Variants in SLC26A7 observed in about 807,000 individuals in gnomAD.
SLC26A7 encodes the protein anion exchange transporter.
Under a neutral mutation model 82.5 loss-of-function variants are expected in SLC26A7, and 59 were observed. The ratio of observed to expected loss-of-function variants is 0.72; its 90% CI spans 0.58 to 0.89. The LOEUF is 0.89. SLC26A7 is among the 40% of genes least tolerant of loss of function. SLC26A7 has a pLI of 0.00. For missense variants in SLC26A7, 820 were observed against 793.0 expected (o/e 1.03, Z -0.41); for synonymous variants, 271 against 274.3 (o/e 0.99, Z 0.12).
intron 15 of SLC26A7, among the ~76,000 whole-genome samples, chr8:91,371,355 A>T (rs1814355572): frequency 6.6e-6 from 1 of 151,808 alleles, no homozygotes; most frequent in Non-Finnish European, 1.5e-5. Flanking sequence ...TGAAAATAGT[A>T]CCCAATAAGT....
intron 4 of SLC26A7, among the ~76,000 whole-genome samples, chr8:91,296,469 G>A (rs1586376629): frequency 6.6e-6 from 1 of 152,082 alleles, no homozygotes; most frequent in East Asian, 1.9e-4. Context: ...ATTTTACACC[G>A]TAACATTATT....
intron 2 of SLC26A7, among the ~76,000 whole-genome samples, chr8:91,234,822 T>TA (rs1563637475): frequency 7.6e-6 from 1 of 131,588 alleles, no homozygotes. Context: ...CCTACCTACC[T>TA]ACCTACTTCC....
At chr8:91,333,133 A>G (rs1308277642) in intron 5 of SLC26A7, among the ~76,000 whole-genome samples, 1 of 152,166 alleles carries the variant, frequency 6.6e-6, no homozygotes, top group Non-Finnish European at 1.5e-5. Context: ...AGATGCTTAC[A>G]TAACTATCAA....
intron 15 of SLC26A7, 28 bp downstream of exon 15, chr8:91,369,861 T>A: frequency 6.4e-7 from 1 of 1,565,894 alleles, no homozygotes; most frequent in Non-Finnish European, 8.8e-7. Flanking sequence ...AAAAAGAAAA[T>A]CTAAGTGTTT....
At chr8:91,301,568 A>C (rs1203108045) in intron 4 of SLC26A7, among the ~76,000 whole-genome samples, 1 of 151,918 alleles carries the variant, frequency 6.6e-6, no homozygotes, top group East Asian at 1.9e-4. Context: ...TTACCCTTTG[A>C]TATTTTCTAT....
intron 2 of SLC26A7, among the ~76,000 whole-genome samples, chr8:91,254,468 A>G (rs1053475617): frequency 3.3e-5 from 5 of 152,266 alleles, no homozygotes; most frequent in African/African-American, 9.6e-5. Context: ...ACATAATATT[A>G]GCTTCTTCAC....
At chr8:91,307,813 AAAT>A (rs963461563) in intron 4 of SLC26A7, among the ~76,000 whole-genome samples, 21 of 33,124 alleles carry the variant, frequency 6.3e-4, no homozygotes, top group Non-Finnish European at 1.1e-3. Context: ...AAAAATAAAT[AAAT>A]AAAAAAAATA....
intron 2 of SLC26A7, among the ~76,000 whole-genome samples, chr8:91,225,643 G>GTTT (rs55732709): frequency 0.011 from 409 of 36,146 alleles, 42 homozygotes; most frequent in African/African-American, 0.014. Flanking sequence ...CTAGAAAAGT[G>GTTT]TTTTTTTTTT....
chr8:91,309,930 G>A (rs1346852748), intron 4 of SLC26A7, among the ~76,000 whole-genome samples: 1 of 152,042 alleles, frequency 6.6e-6, no homozygotes, highest in Non-Finnish European at 1.5e-5. Context: ...CTACCCACTC[G>A]AATGTCCCTG....
chr8:91,338,108 G>A (rs775737112), intron 6 of SLC26A7, 42 bp from the exon 7 acceptor site: 3 of 1,459,952 alleles, frequency 2.1e-6, no homozygotes, highest in East Asian at 4.7e-5. Context: ...TGAGAGGTCA[G>A]TAATGTATAT....
chr8:91,301,759 CTCT>C (rs376558563), intron 4 of SLC26A7, among the ~76,000 whole-genome samples: 9 of 150,584 alleles, frequency 6.0e-5, no homozygotes, highest in Admixed American at 1.3e-4. Flanking sequence ...TTGGTTGTTG[CTCT>C]TCTTCTATTT....
chr8:91,289,270 T>C, intron 3 of SLC26A7, 24 bp downstream of exon 3: 2 of 1,547,348 alleles, frequency 1.3e-6, no homozygotes, highest in Non-Finnish European at 1.8e-6. Flanking sequence ...TGTTTATGCT[T>C]CTAATGTTAC....
rs368853446 is a variant in SLC26A7, at chr8:91,359,895, T to G, written c.1315-2458T>G. Among the ~76,000 whole-genome samples, 3 of 151,488 alleles carry G rather than the reference T, an allele frequency of 2.0e-5. No homozygotes were observed. The East Asian group carries it at 5.8e-4, about 29-fold the overall frequency. ...CAAGATATGTGTGTGTGTGTGTGTG[T>G]GCGCATGTGTGTGTAAACTAATTTG... On this transcript the variant is annotated intron_variant, in intron 11 of 18. Coordinates refer to ENST00000276609, the MANE Select transcript of SLC26A7 (RefSeq NM_052832.4).
intron 9 of SLC26A7, among the ~76,000 whole-genome samples, 200 bp from the exon 10 acceptor site, chr8:91,351,610 G>A (rs1258389042): frequency 1.3e-5 from 2 of 152,126 alleles, no homozygotes; most frequent in African/African-American, 2.4e-5. Context: ...GATTGCACCA[G>A]TTTGTCAGCT....
At position 91,338,173 on chromosome 8, in the gene SLC26A7, T is replaced by C. The variant is rs141877489; in HGVS notation, c.819T>C (p.Cys273=). The C allele has an allele frequency of 6.2e-7, 1 of 1,611,098 alleles. No homozygotes were observed. Among genetic ancestry groups the C allele is most frequent in the Non-Finnish European group, 8.5e-7 (1 of 1,178,922 alleles). ...LVLIIAASFA[C]YCTNMENTYG... is the part of the protein sequence containing the mutation. ...AGATTATTGCTGCATCATTTGCTTG[T>C]TATTGCACCAATATGGAAAACACAT... The change falls in exon 7 of 19, where the codon TGT becomes TGC. Residue 273 remains cysteine (C), a synonymous_variant. Coordinates refer to ENST00000276609, the MANE Select transcript of SLC26A7 (RefSeq NM_052832.4).
intron 2 of SLC26A7, among the ~76,000 whole-genome samples, chr8:91,278,544 A>T (rs1811468862): frequency 6.6e-6 from 1 of 152,078 alleles, no homozygotes; most frequent in Admixed American, 6.5e-5. Context: ...CAAAGATGTT[A>T]TTTTTTTCTG....
chr8:91,285,250 A>G (rs1811678593), intron 2 of SLC26A7, among the ~76,000 whole-genome samples: 1 of 152,218 alleles, frequency 6.6e-6, no homozygotes, highest in South Asian at 2.1e-4. Context: ...TGGTGTTCAC[A>G]TGCCTTCATC....
rs16912805 is a variant in SLC26A7 at position 91,393,793 on chromosome 8, C to T, written c.1777-4C>T. 0.068 allele frequency: 109,816 copies of T among 1,612,456 alleles called. 4,023 individuals carry two copies. Among genetic ancestry groups the T allele is most frequent in the African/African-American group, 0.1 (7,475 of 74,950 alleles). On this transcript the variant is annotated splice_region_variant and splice_polypyrimidine_tract_variant and intron_variant, in intron 16 of 18. Transcript: ENST00000276609. ...TTGTGGGTATCCTATTTTAATTCTT[C>T]CAGGTTTACATGGACTGTAAAGGCA...
intron 2 of SLC26A7, among the ~76,000 whole-genome samples, chr8:91,236,490 G>T (rs1179293171): frequency 1.3e-5 from 2 of 151,916 alleles, no homozygotes; most frequent in East Asian, 1.9e-4. Flanking sequence ...AAAATGAGAT[G>T]AGCTGATGTA....
Sources: gnomAD v4.1 joint callset for allele counts (sites outside exome capture counted in the v4.1 genomes callset) on GRCh38, gnomAD v4.1.1 for gene constraint, MANE v1.5 for transcripts, NCBI Gene and HGNC (gene_info 2026-07-23, HGNC 2026-07-21) for gene names.